Variants in HPSE2 observed in about 807,000 individuals in gnomAD.
HPSE2 encodes the protein inactive heparanase-2.
Under a neutral mutation model 60.5 loss-of-function variants are expected in HPSE2, and 38 were observed. The ratio of observed to expected loss-of-function variants is 0.63; its 90% CI spans 0.48 to 0.82. The LOEUF (loss-of-function observed/expected upper bound fraction) is 0.82. HPSE2 is among the 40% of genes least tolerant of loss of function. HPSE2 has a pLI of 0.00. For synonymous variants in HPSE2, 295 were observed against 293.2 expected, an observed-to-expected ratio of 1.01 and a Z score of -0.06; for missense variants, 713 against 740.4, an observed-to-expected ratio of 0.96 and a Z score of 0.43.
At chr10:99,296,106 A>T in the HPSE2 span, among the ~76,000 whole-genome samples, 3 of 152,096 alleles carry the variant, frequency 2.0e-5, no homozygotes, top group African/African-American at 7.2e-5. Flanking sequence ...TTTGAAGTTT[A>T]CAGCAAACTT....
the HPSE2 span, among the ~76,000 whole-genome samples, chr10:99,253,555 T>C: frequency 6.6e-6 from 1 of 152,148 alleles, no homozygotes; most frequent in East Asian, 1.9e-4. Flanking sequence ...TTGGAAATAA[T>C]TTATACTTAA....
chr10:99,074,285 AT>A (rs1285448343), intron 3 of HPSE2, among the ~76,000 whole-genome samples: 1 of 151,758 alleles, frequency 6.6e-6, no homozygotes, highest in Non-Finnish European at 1.5e-5. Context: ...ATTTTGTCAA[AT>A]TTTTTTTCTG....
At chr10:99,285,432 TA>T in the HPSE2 span, among the ~76,000 whole-genome samples, 16 of 85,468 alleles carry the variant, frequency 1.9e-4, no homozygotes, top group East Asian at 4.2e-4. Flanking sequence ...GCTATCTCAA[TA>T]AAAAAAAAGA....
intron 9 of HPSE2, among the ~76,000 whole-genome samples, chr10:98,534,858 A>G (rs1271711463): frequency 6.6e-6 from 1 of 152,230 alleles, no homozygotes; most frequent in Non-Finnish European, 1.5e-5. Flanking sequence ...ATTTTCAGCA[A>G]AGGCAACATC....
intron 9 of HPSE2, among the ~76,000 whole-genome samples, chr10:98,587,468 G>A (rs1306889597): frequency 6.6e-6 from 1 of 152,208 alleles, no homozygotes; most frequent in African/African-American, 2.4e-5. Flanking sequence ...ACTGATACAT[G>A]TTTCTACTTT....
intron 5 of HPSE2, among the ~76,000 whole-genome samples, chr10:98,715,338 T>C (rs563539440): frequency 6.6e-6 from 1 of 152,148 alleles, no homozygotes; most frequent in African/African-American, 2.4e-5. Context: ...AGCTTTTTCA[T>C]GGAAATTGCT....
intron 3 of HPSE2, among the ~76,000 whole-genome samples, chr10:98,841,791 G>T (rs1951919190): frequency 6.6e-6 from 1 of 151,868 alleles, no homozygotes; most frequent in Non-Finnish European, 1.5e-5. Context: ...TTTCTGCAGG[G>T]ATTACAATTC....
the HPSE2 span, among the ~76,000 whole-genome samples, chr10:99,275,848 T>C: frequency 1.4e-4 from 22 of 152,166 alleles, 1 homozygote; most frequent in Non-Finnish European, 2.1e-4. Flanking sequence ...GGCATGGGAC[T>C]GTAAGAGAAC....
chr10:98,938,501 G>C (rs1273014495), intron 3 of HPSE2, among the ~76,000 whole-genome samples: 2 of 143,832 alleles, frequency 1.4e-5, no homozygotes, highest in Admixed American at 6.9e-5. Context: ...GATGGAAGAT[G>C]AAATGAATGA....
intron 3 of HPSE2, among the ~76,000 whole-genome samples, chr10:98,761,615 C>G (rs2134388465): frequency 1.3e-5 from 2 of 152,206 alleles, no homozygotes; most frequent in South Asian, 4.1e-4. Flanking sequence ...ACATGACTGC[C>G]ATTGTCAACC....
the HPSE2 span, among the ~76,000 whole-genome samples, chr10:99,286,539 G>A: frequency 6.6e-6 from 1 of 152,102 alleles, no homozygotes; most frequent in East Asian, 1.9e-4. Flanking sequence ...TGGGGAAAGT[G>A]GGCGATGAGG....
chr10:99,098,758 G>C (rs2135628906), intron 3 of HPSE2, among the ~76,000 whole-genome samples: 1 of 152,152 alleles, frequency 6.6e-6, no homozygotes, highest in South Asian at 2.1e-4. Context: ...TTATTTTATT[G>C]ACATAGACTT....
intron 2 of HPSE2, among the ~76,000 whole-genome samples, chr10:99,220,352 C>T (rs1160813314): frequency 1.3e-5 from 2 of 151,922 alleles, no homozygotes; most frequent in Non-Finnish European, 2.9e-5. Flanking sequence ...CTGAAAAACA[C>T]ACCATAATTA....
chr10:98,568,435 G>A (rs564896081), intron 9 of HPSE2, among the ~76,000 whole-genome samples: 1 of 152,304 alleles, frequency 6.6e-6, no homozygotes, highest in Non-Finnish European at 1.5e-5. Context: ...CAGGAGCCAT[G>A]GCTGAAGGTG....
At chr10:98,746,345 T>C (rs1471182914) in intron 3 of HPSE2, among the ~76,000 whole-genome samples, 1 of 139,556 alleles carries the variant, frequency 7.2e-6, no homozygotes, top group African/African-American at 2.6e-5. Context: ...TTTGTCAAAG[T>C]ATCATATAAA....
chr10:98,803,967 T>C (rs1448243592), intron 3 of HPSE2, among the ~76,000 whole-genome samples: 1 of 152,004 alleles, frequency 6.6e-6, no homozygotes, highest in Non-Finnish European at 1.5e-5. Context: ...TGGAATGTTC[T>C]TCCATTTGTT....
At chr10:98,967,927 A>G (rs1380736810) in intron 3 of HPSE2, among the ~76,000 whole-genome samples, 1 of 152,114 alleles carries the variant, frequency 6.6e-6, no homozygotes, top group East Asian at 1.9e-4. Flanking sequence ...GGCCCTGGGG[A>G]ATACTAGAAA....
intron 3 of HPSE2, among the ~76,000 whole-genome samples, chr10:99,000,117 GA>G (rs1220769088): frequency 5.3e-5 from 8 of 151,960 alleles, no homozygotes; most frequent in Middle Eastern, 6.8e-3. Context: ...AGAGCAGGGG[GA>G]AAAAAAGGCA....
At chr10:99,167,901 CATTT>C (rs1043714037) in intron 2 of HPSE2, among the ~76,000 whole-genome samples, 3 of 151,966 alleles carry the variant, frequency 2.0e-5, no homozygotes, top group African/African-American at 7.3e-5. Flanking sequence ...CTCTCTCTCT[CATTT>C]GATTTCTTTC....
Sources: allele counts gnomAD v4.1 joint callset (sites outside exome capture counted in the v4.1 genomes callset), GRCh38; gene constraint gnomAD v4.1.1; transcripts MANE v1.5; gene names NCBI Gene and HGNC (gene_info 2026-07-23, HGNC 2026-07-21).